The following ROBO1 variants were observed in gnomAD, a reference collection of about 807,000 sequenced individuals.
The protein encoded by ROBO1 is roundabout guidance receptor 1, also known as roundabout homolog 1.
In ROBO1, 149 loss-of-function variants were observed where a neutral mutation model predicts 195.9. That is an observed-to-expected ratio of 0.76 (90% CI 0.67 to 0.87). ROBO1 has a LOEUF of 0.87. Ranked by LOEUF, ROBO1 falls within the 40% of genes least tolerant of loss-of-function variation. ROBO1 has a pLI of 0.00. For synonymous variants in ROBO1, 816 were observed against 733.2 expected, an observed-to-expected ratio of 1.11 and a Z score of -1.82; for missense variants, 1,933 against 2,068.3, an observed-to-expected ratio of 0.93 and a Z score of 1.27.
intron 10 of ROBO1, among the ~76,000 whole-genome samples, chr3:78,677,559 G>A (rs564687395): frequency 6.6e-6 from 1 of 151,804 alleles, no homozygotes; most frequent in Admixed American, 6.6e-5. Flanking sequence ...AACCAACAAA[G>A]ATCAAAAGAG....
intron 2 of ROBO1, among the ~76,000 whole-genome samples, chr3:79,575,058 C>T (rs536895148): frequency 2.5e-4 from 36 of 146,306 alleles, no homozygotes; most frequent in African/African-American, 8.2e-4. Context: ...AATCAGCATA[C>T]ATTTTCTGTC....
chr3:79,120,447 A>G (rs1380363788), intron 3 of ROBO1, among the ~76,000 whole-genome samples: 1 of 152,198 alleles, frequency 6.6e-6, no homozygotes, highest in African/African-American at 2.4e-5. Context: ...TCACAAGCAC[A>G]TCCTAGTAAA....
intron 2 of ROBO1, among the ~76,000 whole-genome samples, chr3:79,574,983 T>A (rs1272618733): frequency 6.6e-6 from 1 of 150,646 alleles, no homozygotes; most frequent in Admixed American, 6.7e-5. Context: ...TGGCCAATTC[T>A]AGTAAACATT....
intron 2 of ROBO1, among the ~76,000 whole-genome samples, chr3:79,339,770 TG>T (rs1173807267): frequency 6.6e-6 from 1 of 152,238 alleles, no homozygotes; most frequent in Non-Finnish European, 1.5e-5. Context: ...CCAACACCAG[TG>T]ACCAACCTTT....
At chr3:79,164,995 C>T (rs1219059841) in intron 2 of ROBO1, among the ~76,000 whole-genome samples, 3 of 151,952 alleles carry the variant, frequency 2.0e-5, no homozygotes, top group African/African-American at 7.2e-5. Context: ...ATTTTTTTTC[C>T]TGATACTTAA....
chr3:78,612,156 CAAAGT>C (rs1164557096), intron 28 of ROBO1, among the ~76,000 whole-genome samples: 1 of 152,060 alleles, frequency 6.6e-6, no homozygotes, highest in African/African-American at 2.4e-5. Flanking sequence ...ACAAAATTTA[CAAAGT>C]AAAGATGCTA....
At chr3:79,482,017 G>C (rs896718044) in intron 2 of ROBO1, among the ~76,000 whole-genome samples, 2 of 151,978 alleles carry the variant, frequency 1.3e-5, no homozygotes, top group African/African-American at 4.8e-5. Flanking sequence ...TTTGTAATCT[G>C]TATTCCTATA....
At chr3:79,707,981 T>G (rs886899397) in intron 1 of ROBO1, among the ~76,000 whole-genome samples, 1 of 152,190 alleles carries the variant, frequency 6.6e-6, no homozygotes, top group African/African-American at 2.4e-5. Context: ...GTGACTTTTT[T>G]TGTCGATGTT....
chr3:78,647,387 A>T (rs1256188367), intron 20 of ROBO1, among the ~76,000 whole-genome samples: 1 of 152,060 alleles, frequency 6.6e-6, no homozygotes. Flanking sequence ...AATGAAACAC[A>T]TGCAAACAAG....
At chr3:79,422,199 G>T in intron 2 of ROBO1, among the ~76,000 whole-genome samples, 1 of 147,478 alleles carries the variant, frequency 6.8e-6, no homozygotes, top group Admixed American at 6.8e-5. Context: ...TATATATTTT[G>T]TATCATATTA....
chr3:79,449,699 T>C (rs1028167045), intron 2 of ROBO1, among the ~76,000 whole-genome samples: 1 of 152,194 alleles, frequency 6.6e-6, no homozygotes, highest in Admixed American at 6.5e-5. Flanking sequence ...AGGAAAGTCA[T>C]GTTATAGTTT....
At chr3:78,853,441 A>G (rs2034200075) in intron 4 of ROBO1, among the ~76,000 whole-genome samples, 1 of 126,950 alleles carries the variant, frequency 7.9e-6, no homozygotes, top group African/African-American at 3.0e-5. Flanking sequence ...ATTGTATTTC[A>G]TATATAGTAT....
intron 4 of ROBO1, among the ~76,000 whole-genome samples, chr3:78,865,093 G>A (rs1376903023): frequency 1.3e-5 from 2 of 151,990 alleles, no homozygotes; most frequent in Admixed American, 1.3e-4. Context: ...CAACTATTTT[G>A]CCTGGCTTGT....
intron 10 of ROBO1, among the ~76,000 whole-genome samples, chr3:78,678,737 A>T (rs908568700): frequency 6.6e-6 from 1 of 152,198 alleles, no homozygotes; most frequent in African/African-American, 2.4e-5. Flanking sequence ...GCCGAATTCT[A>T]CCAGAGGTAC....
chr3:78,663,054 A>G (rs776349508), intron 14 of ROBO1, among the ~76,000 whole-genome samples: 1 of 152,144 alleles, frequency 6.6e-6, no homozygotes, highest in African/African-American at 2.4e-5. Context: ...AAAGAATTGT[A>G]TTTTGGCACC....
At chr3:78,827,980 C>T (rs2031787569) in intron 4 of ROBO1, among the ~76,000 whole-genome samples, 1 of 152,100 alleles carries the variant, frequency 6.6e-6, no homozygotes, top group African/African-American at 2.4e-5. Context: ...TAATATTAAC[C>T]ATCAAATGAT....
chr3:79,036,571 C>T (rs77311754), intron 3 of ROBO1, among the ~76,000 whole-genome samples: 2,951 of 152,042 alleles, frequency 0.019, 46 homozygotes, highest in Non-Finnish European at 0.031. Flanking sequence ...CTTTATATCA[C>T]TAAGATATAA....
At chr3:79,106,684 T>C (rs1204728352) in intron 3 of ROBO1, among the ~76,000 whole-genome samples, 1 of 151,496 alleles carries the variant, frequency 6.6e-6, no homozygotes, top group African/African-American at 2.4e-5. Flanking sequence ...GTGAATGACA[T>C]AGTACATCAG....
chr3:79,480,619 T>C (rs757546733), intron 2 of ROBO1, among the ~76,000 whole-genome samples: 3 of 151,890 alleles, frequency 2.0e-5, no homozygotes, highest in Admixed American at 6.6e-5. Context: ...TTTGTGTGTA[T>C]GTGTGTGTGT....
Sources: allele counts gnomAD v4.1 joint callset (sites outside exome capture counted in the v4.1 genomes callset), GRCh38; gene constraint gnomAD v4.1.1; transcripts MANE v1.5; gene names NCBI Gene and HGNC (gene_info 2026-07-23, HGNC 2026-07-21).